Variants in CD38 observed in about 807,000 individuals in gnomAD.
CD38 encodes the protein ADP-ribosyl cyclase/cyclic ADP-ribose hydrolase 1.
CD38 carries 31 observed loss-of-function variants against 36.3 expected under a neutral mutation model. The observed-to-expected ratio is 0.85, with a 90% CI of 0.64 to 1.15. The LOEUF (loss-of-function observed/expected upper bound fraction) is 1.15. CD38 is among the 50% of genes most tolerant of loss of function. The pLI is 0.00. For synonymous variants in CD38, 131 were observed against 135.2 expected, an observed-to-expected ratio of 0.97 and a Z score of 0.22; for missense variants, 380 against 371.9, an observed-to-expected ratio of 1.02 and a Z score of -0.18.
At chr4:15,797,756 T>C (rs1429628202) in intron 1 of CD38, among the ~76,000 whole-genome samples, 1 of 152,180 alleles carries the variant, frequency 6.6e-6, no homozygotes, top group Non-Finnish European at 1.5e-5. Context: ...GATGGTGTTG[T>C]CCCAGTGTCT....
intron 1 of CD38, among the ~76,000 whole-genome samples, chr4:15,790,983 C>T (rs1722966834): frequency 6.7e-6 from 1 of 148,344 alleles, no homozygotes; most frequent in African/African-American, 2.5e-5. Context: ...CGTCCGGCGG[C>T]CACCCCGTCT....
intron 1 of CD38, among the ~76,000 whole-genome samples, chr4:15,785,704 CAT>C (rs1448446714): frequency 6.6e-6 from 1 of 152,178 alleles, no homozygotes; most frequent in African/African-American, 2.4e-5. Context: ...CTGGAAACTA[CAT>C]AGTTGGTTCT....
intron 1 of CD38, among the ~76,000 whole-genome samples, chr4:15,787,836 C>T (rs778410633): frequency 1.7e-4 from 26 of 152,134 alleles, no homozygotes; most frequent in Non-Finnish European, 3.4e-4. Context: ...GACATAATGC[C>T]GAAAGCCTGG....
At chr4:15,839,715 G>C (rs1157070880) in intron 5 of CD38, among the ~76,000 whole-genome samples, 1 of 152,046 alleles carries the variant, frequency 6.6e-6, no homozygotes, top group Non-Finnish European at 1.5e-5. Flanking sequence ...GAGCCACCAT[G>C]CCTGGCTGAA....
chr4:15,780,965 G>C (rs898888103), intron 1 of CD38, among the ~76,000 whole-genome samples: 3 of 152,140 alleles, frequency 2.0e-5, no homozygotes, highest in Admixed American at 6.5e-5. Flanking sequence ...AAAATTAGCC[G>C]GGTGTTGTGG....
intron 1 of CD38, among the ~76,000 whole-genome samples, chr4:15,784,227 G>A (rs1393368498): frequency 2.0e-5 from 3 of 152,232 alleles, no homozygotes; most frequent in African/African-American, 7.2e-5. Context: ...TGCTGAATAT[G>A]TGAGTGGAGT....
intron 4 of CD38, among the ~76,000 whole-genome samples, chr4:15,836,267 G>C (rs1054911448): frequency 1.3e-5 from 2 of 152,160 alleles, no homozygotes; most frequent in African/African-American, 4.8e-5. Flanking sequence ...TTCCAAAATG[G>C]TGCCTTCTTG....
chr4:15,813,878 TTGCTATTGTAAA>T (rs2148921590), intron 1 of CD38, among the ~76,000 whole-genome samples: 1 of 152,372 alleles, frequency 6.6e-6, no homozygotes, highest in South Asian at 2.1e-4. Flanking sequence ...CTCTAAGTCT[TTGCTATTGTAAA>T]TAGTGCTCCA....
At chr4:15,796,956 C>T (rs990153363) in intron 1 of CD38, among the ~76,000 whole-genome samples, 15 of 152,052 alleles carry the variant, frequency 9.9e-5, no homozygotes, top group African/African-American at 2.7e-4. Flanking sequence ...TGTATACATA[C>T]GTGGATGTGT....
chr4:15,818,517 C>G (rs1167150898), intron 2 of CD38, among the ~76,000 whole-genome samples: 1 of 152,184 alleles, frequency 6.6e-6, no homozygotes, highest in East Asian at 1.9e-4. Flanking sequence ...GGACGGATTG[C>G]CTCCTCAAGT....
intron 1 of CD38, among the ~76,000 whole-genome samples, chr4:15,782,295 C>T (rs1043763694): frequency 1.5e-4 from 23 of 152,202 alleles, no homozygotes; most frequent in African/African-American, 5.5e-4. Flanking sequence ...GAGAAACAAA[C>T]TCCACCCCTC....
intron 4 of CD38, among the ~76,000 whole-genome samples, chr4:15,836,639 A>C (rs527762581): frequency 6.6e-6 from 1 of 152,334 alleles, no homozygotes; most frequent in African/African-American, 2.4e-5. Flanking sequence ...CTAAGAGCCT[A>C]ACCTAGGCCT....
At chr4:15,817,318 A>G (rs1336999150) in intron 2 of CD38, among the ~76,000 whole-genome samples, 2 of 152,208 alleles carry the variant, frequency 1.3e-5, no homozygotes, top group Non-Finnish European at 2.9e-5. Context: ...TTCTATAGCC[A>G]ATGTTTAAGG....
chr4:15,824,700 ACT>A (rs1272604375), intron 2 of CD38, among the ~76,000 whole-genome samples, 179 bp from the exon 3 acceptor site: 45 of 134,470 alleles, frequency 3.3e-4, no homozygotes, highest in Non-Finnish European at 5.8e-4. Context: ...ACACACACAC[ACT>A]CTCTCTCCGC....
chr4:15,778,735 G>A lies in CD38; in HGVS notation c.233+88G>A, dbSNP rs11574921. 0.062 allele frequency: 57,987 copies of A among 941,922 alleles called. 2,043 individuals carry two copies. Among genetic ancestry groups the A allele is most frequent in the Non-Finnish European group, 0.063 (39,040 of 619,086 alleles). 58.3% of individuals were successfully genotyped at this position (941,922 alleles called of 1,614,324 possible). A position where few individuals can be genotyped will look rare whatever the true frequency, so the allele number is the denominator to read the frequency against. On this transcript the variant is annotated intron_variant, in intron 1 of 7. Transcript: ENST00000226279. This position sits in a 1 kb window ranked among gnomAD's most constrained non-coding sequence, Gnocchi z 4.9. ...GAAGCCGCCCGGATCGCCCGGAACC[G>A]GGCATCTTCCGTGGCGGGTCAGCCG...
At chr4:15,787,285 GA>G (rs1364517475) in intron 1 of CD38, among the ~76,000 whole-genome samples, 17 of 152,376 alleles carry the variant, frequency 1.1e-4, no homozygotes, top group African/African-American at 4.1e-4. Context: ...AATGGACCCT[GA>G]GAGAGATTAA....
At chr4:15,803,203 A>T (rs796547463) in intron 1 of CD38, among the ~76,000 whole-genome samples, 8 of 152,300 alleles carry the variant, frequency 5.3e-5, no homozygotes, top group African/African-American at 1.4e-4. Context: ...AAGAGAAAAC[A>T]TAAGGAAAAT....
intron 1 of CD38, among the ~76,000 whole-genome samples, chr4:15,785,093 A>G (rs61475454): frequency 0.019 from 2,840 of 151,082 alleles, 87 homozygotes; most frequent in African/African-American, 0.066. Context: ...AGACAGATTG[A>G]ATGTGGAAGG....
chr4:15,808,610 C>T (rs1292980479), intron 1 of CD38, among the ~76,000 whole-genome samples: 1 of 152,218 alleles, frequency 6.6e-6, no homozygotes, highest in Non-Finnish European at 1.5e-5. Context: ...ATTCTTACAA[C>T]ATGGATTGAT....
Sources: allele counts gnomAD v4.1 joint callset (sites outside exome capture counted in the v4.1 genomes callset), GRCh38; gene constraint gnomAD v4.1.1; non-coding constraint Gnocchi (gnomAD v3.1); transcripts MANE v1.5; gene names NCBI Gene and HGNC (gene_info 2026-07-23, HGNC 2026-07-21).